The following PAIP2 variants were observed in gnomAD, a reference collection of about 807,000 sequenced individuals.
PAIP2 encodes the protein polyadenylate-binding protein-interacting protein 2.
PAIP2 carries 7 observed loss-of-function variants against 14.8 expected under a neutral mutation model. The ratio of observed to expected loss-of-function variants is 0.47; its 90% CI spans 0.27 to 0.89. PAIP2 has a LOEUF of 0.89. Ranked by LOEUF, PAIP2 falls within the 40% of genes least tolerant of loss-of-function variation. PAIP2 has a pLI of 0.13. For missense variants in PAIP2, 122 were observed against 154.7 expected (o/e 0.79, Z 1.12); for synonymous variants, 47 against 45.3 (o/e 1.04, Z -0.15).
At chr5:139,363,995 G>A in intron 2 of PAIP2, 73 bp downstream of exon 2, 1 of 1,313,182 alleles carries the variant, frequency 7.6e-7, no homozygotes, top group Non-Finnish European at 1.1e-6. Context: ...TCCCTGAAAT[G>A]TGTTTATCTT....
intron 1 of PAIP2, among the ~76,000 whole-genome samples, chr5:139,361,334 A>G (rs1757061495): frequency 6.6e-6 from 1 of 152,090 alleles, no homozygotes; most frequent in Non-Finnish European, 1.5e-5. Context: ...TCCCAAAGGG[A>G]AAAAAATACA....
chr5:139,361,198 C>T (rs1468963517), intron 1 of PAIP2, among the ~76,000 whole-genome samples: 2 of 152,006 alleles, frequency 1.3e-5, no homozygotes, highest in Non-Finnish European at 2.9e-5. Flanking sequence ...TCATTAGTAT[C>T]TAGTATTTGT....
At chr5:139,364,028 A>G in intron 2 of PAIP2, 106 bp downstream of exon 2, 1 of 919,998 alleles carries the variant, frequency 1.1e-6, no homozygotes, top group East Asian at 2.5e-5. Context: ...TAAAGTATGT[A>G]GACTGATGTG....
Position 139,369,692 on chromosome 5 carries a change from A to T in PAIP2, c.*894A>T, listed in dbSNP as rs944862160. 2 of 152,630 alleles carry T rather than the reference A, an allele frequency of 1.3e-5. No homozygotes were observed. The highest frequency in any genetic ancestry group is 2.9e-5 in the Non-Finnish European group (2 of 68,034). 9.5% of individuals were successfully genotyped at this position (152,630 alleles called of 1,614,324 possible). On this transcript the variant is annotated 3_prime_UTR_variant, in exon 4 of 4. Coordinates refer to ENST00000265192, the MANE Select transcript of PAIP2 (RefSeq NM_016480.5). ...AAATTATATTTTTTCAAAAATATTT[A>T]AAAAAATAAATAATAGTAGAACTGA... is the stretch of plus-strand genomic sequence containing the variant.
rs1249918760 is a variant in PAIP2, at chr5:139,368,892, T to C, written c.*94T>C. On this transcript the variant is annotated 3_prime_UTR_variant, in exon 4 of 4. Transcript: ENST00000265192. ...AATTGTAAAAGCTCTCTTGTCACTG[T>C]GTTACACTTATGCATTGCCAAAGTT... 4 of 945,640 alleles carry C rather than the reference T, an allele frequency of 4.2e-6. No homozygotes were observed. The highest frequency in any genetic ancestry group is 6.7e-6 in the Non-Finnish European group (4 of 598,934). The allele number at this position is 945,640 out of a possible 1,614,324, so 58.6% of individuals were successfully genotyped here. A position where few individuals can be genotyped will look rare whatever the true frequency, so the allele number is the denominator to read the frequency against.
intron 1 of PAIP2, among the ~76,000 whole-genome samples, chr5:139,363,071 T>G (rs1757119371): frequency 6.6e-6 from 1 of 151,930 alleles, no homozygotes; most frequent in Non-Finnish European, 1.5e-5. Flanking sequence ...CGAAACTCCA[T>G]CTCTACTAAA....
chr5:139,342,728 GAAAT>G (rs1756421144), intron 1 of PAIP2: 1 of 152,162 alleles, frequency 6.6e-6, no homozygotes, highest in Non-Finnish European at 1.5e-5. Flanking sequence ...ATCGCCACCA[GAAAT>G]AAATAAGGCT....
chr5:139,345,396 C>T (rs1251102276), intron 1 of PAIP2, among the ~76,000 whole-genome samples: 14 of 152,138 alleles, frequency 9.2e-5, no homozygotes, highest in Middle Eastern at 6.8e-3. Flanking sequence ...ACAAAAAATT[C>T]GGTGCTTTTC....
At chr5:139,365,347 G>A (rs1277186687) in intron 3 of PAIP2, among the ~76,000 whole-genome samples, 3 of 151,796 alleles carry the variant, frequency 2.0e-5, no homozygotes, top group African/African-American at 7.3e-5. Flanking sequence ...TTAGCTGGGT[G>A]TGGTGGTGCA....
At chr5:139,345,669 C>T (rs1350895965) in intron 1 of PAIP2, among the ~76,000 whole-genome samples, 1 of 150,156 alleles carries the variant, frequency 6.7e-6, no homozygotes, top group Non-Finnish European at 1.5e-5. Flanking sequence ...GCTCTGTTGC[C>T]CAGGCCTGAG....
intron 1 of PAIP2, among the ~76,000 whole-genome samples, chr5:139,347,394 C>T (rs1581291298): frequency 6.6e-6 from 1 of 151,938 alleles, no homozygotes; most frequent in Middle Eastern, 3.4e-3. Context: ...CTGCCTCAGC[C>T]TCCTGAGTAG....
chr5:139,352,281 GAT>G (rs1183759640), intron 1 of PAIP2, among the ~76,000 whole-genome samples: 1 of 42,792 alleles, frequency 2.3e-5, no homozygotes, highest in Non-Finnish European at 1.6e-4. Flanking sequence ...ATGACTACTA[GAT>G]ACATTAAGCT....
At chr5:139,353,789 G>A (rs990965786) in intron 1 of PAIP2, among the ~76,000 whole-genome samples, 1 of 150,462 alleles carries the variant, frequency 6.6e-6, no homozygotes, top group African/African-American at 2.4e-5. Flanking sequence ...GCGCTGTCTC[G>A]ACTCACTGTA....
At chr5:139,346,562 C>A (rs1756556269) in intron 1 of PAIP2, among the ~76,000 whole-genome samples, 1 of 150,384 alleles carries the variant, frequency 6.6e-6, no homozygotes, top group East Asian at 2.0e-4. Context: ...GATGCAGTCT[C>A]CCTCTGATGC....
chr5:139,356,061 C>A (rs1487254548), intron 1 of PAIP2, among the ~76,000 whole-genome samples: 1 of 152,044 alleles, frequency 6.6e-6, no homozygotes, highest in Non-Finnish European at 1.5e-5. Context: ...CCACTTGAAC[C>A]CAGGAGGCAG....
intron 3 of PAIP2, chr5:139,367,478 C>T (rs1427473565): frequency 1.3e-5 from 2 of 152,014 alleles, no homozygotes; most frequent in African/African-American, 4.8e-5. Context: ...TCCCCCCCAC[C>T]CCTTTTTTTT....
intron 3 of PAIP2, among the ~76,000 whole-genome samples, chr5:139,365,563 G>T (rs1295309000): frequency 6.6e-6 from 1 of 152,054 alleles, no homozygotes; most frequent in Non-Finnish European, 1.5e-5. Context: ...CTACTTGGGA[G>T]GCTGAGGCAG....
At chr5:139,350,828 T>TA (rs1756708339) in intron 1 of PAIP2, among the ~76,000 whole-genome samples, 1 of 152,078 alleles carries the variant, frequency 6.6e-6, no homozygotes, top group Non-Finnish European at 1.5e-5. Flanking sequence ...AATACACAAT[T>TA]ACAGAATAAA....
chr5:139,356,670 T>C (rs1756923028), intron 1 of PAIP2, among the ~76,000 whole-genome samples: 1 of 151,604 alleles, frequency 6.6e-6, no homozygotes, highest in South Asian at 2.1e-4. Flanking sequence ...GATTATTTGA[T>C]GTCAGGAGTT....
Sources: allele counts gnomAD v4.1 joint callset (sites outside exome capture counted in the v4.1 genomes callset), GRCh38; gene constraint gnomAD v4.1.1; transcripts MANE v1.5; gene names NCBI Gene and HGNC (gene_info 2026-07-23, HGNC 2026-07-21).